The following PUM1 variants were observed in gnomAD, a reference collection of about 807,000 sequenced individuals.
The protein encoded by PUM1 is pumilio homolog 1.
PUM1 carries 13 observed loss-of-function variants against 131.8 expected under a neutral mutation model. The ratio of observed to expected loss-of-function variants is 0.10; its 90% confidence interval spans 0.06 to 0.16. PUM1 has a LOEUF of 0.16. Among genes scored for constraint, PUM1 ranks in the 10% least tolerant of loss-of-function variants. PUM1 has a pLI of 1.00. For synonymous variants in PUM1, 509 were observed against 556.5 expected (o/e 0.91, Z 1.20); for missense variants, 961 against 1,512.4 (o/e 0.64, Z 6.05).
intron 7 of PUM1, among the ~76,000 whole-genome samples, chr1:30,991,668 G>C (rs181179691): frequency 7.6e-4 from 116 of 152,290 alleles, no homozygotes; most frequent in African/African-American, 2.7e-3. Context: ...ACAAGATTGG[G>C]AAACTAACAG....
chr1:31,012,259 C>G (rs1329124287), intron 3 of PUM1, among the ~76,000 whole-genome samples: 2 of 151,408 alleles, frequency 1.3e-5, no homozygotes, highest in Non-Finnish European at 2.9e-5. Context: ...CATACATTAG[C>G]CTCTTGTTGT....
intron 14 of PUM1, among the ~76,000 whole-genome samples, chr1:30,962,252 TCA>T (rs1192740382): frequency 1.3e-5 from 2 of 152,090 alleles, no homozygotes; most frequent in African/African-American, 4.8e-5. Context: ...AAGAAATAAC[TCA>T]CACTAATAGT....
intron 14 of PUM1, among the ~76,000 whole-genome samples, chr1:30,957,773 C>T (rs1640231612): frequency 1.3e-5 from 2 of 152,232 alleles, no homozygotes; most frequent in Non-Finnish European, 2.9e-5. Flanking sequence ...TGCCTTCCCA[C>T]TTTTAAAGAA....
chr1:31,024,703 A>G (rs1643161017), intron 3 of PUM1, among the ~76,000 whole-genome samples: 1 of 152,244 alleles, frequency 6.6e-6, no homozygotes, highest in Non-Finnish European at 1.5e-5. Context: ...TAAAAAACCA[A>G]TTATGCGAAC....
chr1:30,992,691 T>C (rs1641835981), intron 6 of PUM1, 31 bp from the exon 7 acceptor site: 1 of 1,585,606 alleles, frequency 6.3e-7, no homozygotes, highest in Non-Finnish European at 8.6e-7. Context: ...GCATTAAACC[T>C]TATTTTCAGT....
intron 2 of PUM1, among the ~76,000 whole-genome samples, chr1:31,049,046 A>G (rs1557604786): frequency 6.6e-6 from 1 of 151,662 alleles, no homozygotes. Context: ...TCTCTACTAA[A>G]AATACAAAAA....
At chr1:31,044,826 T>C (rs1477575700) in intron 2 of PUM1, among the ~76,000 whole-genome samples, 1 of 152,132 alleles carries the variant, frequency 6.6e-6, no homozygotes, top group African/African-American at 2.4e-5. Context: ...TTGTTGTTGT[T>C]TGAGACAGAG....
rs775744633 is a variant in PUM1, at chr1:30,949,854, G to GA, written c.2856+272dup. Reference sequence around the variant, plus strand: ...TAGTATTTTACCTGCTTTATTCATGGAAAAAAAAACCACCTATAAAATTGA... The same window carrying GA: ...TAGTATTTTACCTGCTTTATTCATGGAAAAAAAAAACCACCTATAAAATTGA... On this transcript the variant is annotated intron_variant, in intron 17 of 21. Transcript: ENST00000426105. Among the ~76,000 whole-genome samples the GA allele has an allele frequency of 1.3e-3, 201 of 150,558 alleles. 1 individual carries two copies. Among genetic ancestry groups the GA allele is most frequent in the East Asian group, 7.6e-3 (39 of 5,138 alleles).
intron 7 of PUM1, among the ~76,000 whole-genome samples, chr1:30,983,194 G>A (rs1641419955): frequency 6.6e-6 from 1 of 152,224 alleles, no homozygotes; most frequent in Non-Finnish European, 1.5e-5. Flanking sequence ...CCTCCAACAG[G>A]AGGCAGTCCA....
intron 2 of PUM1, among the ~76,000 whole-genome samples, chr1:31,033,537 A>G (rs946952135): frequency 6.6e-6 from 1 of 151,490 alleles, no homozygotes; most frequent in African/African-American, 2.4e-5. Flanking sequence ...GCTAATTTTC[A>G]TATTTTTTGA....
chr1:30,975,517 A>ATTTTTTTTTT (rs751510345), intron 9 of PUM1, among the ~76,000 whole-genome samples: 1 of 84,164 alleles, frequency 1.2e-5, no homozygotes, highest in African/African-American at 4.5e-5. Flanking sequence ...TACCTGACTA[A>ATTTTTTTTTT]TTTTTTTTTT....
At chr1:30,951,656 AG>A (rs68070467) in intron 16 of PUM1, among the ~76,000 whole-genome samples, 16,287 of 152,230 alleles carry the variant, frequency 0.11, 1,018 homozygotes, top group African/African-American at 0.17. Context: ...ACCTCACTAG[AG>A]GGAAAAGACA....
intron 2 of PUM1, among the ~76,000 whole-genome samples, chr1:31,054,322 G>A (rs879284552): frequency 7.2e-5 from 11 of 151,756 alleles, no homozygotes; most frequent in Admixed American, 3.9e-4. Flanking sequence ...GTGAAACCCT[G>A]TCTCAATAAA....
intron 5 of PUM1, among the ~76,000 whole-genome samples, chr1:30,997,496 T>C (rs903526731): frequency 1.5e-5 from 1 of 66,000 alleles, no homozygotes. Flanking sequence ...GAAACTCGTC[T>C]TTTTTTTTTT....
chr1:30,964,635 T>C (rs756862189), intron 14 of PUM1, 39 bp downstream of exon 14: 8 of 1,526,554 alleles, frequency 5.2e-6, no homozygotes, highest in Admixed American at 5.0e-5. Context: ...GGCAAGAGAG[T>C]TCTAGAGTTC....
intron 2 of PUM1, among the ~76,000 whole-genome samples, chr1:31,031,422 A>C (rs540451804): frequency 1.3e-5 from 2 of 152,362 alleles, no homozygotes; most frequent in Non-Finnish European, 2.9e-5. Context: ...CCATCACAAC[A>C]ACCTCACAGT....
chr1:30,983,894 C>T (rs1641448993), intron 7 of PUM1, among the ~76,000 whole-genome samples: 2 of 151,996 alleles, frequency 1.3e-5, no homozygotes, highest in African/African-American at 2.4e-5. Context: ...TGAGCCACCA[C>T]ACCTGGGCTA....
chr1:31,057,483 G>A (rs1410521606), intron 2 of PUM1, among the ~76,000 whole-genome samples: 1 of 150,920 alleles, frequency 6.6e-6, no homozygotes, highest in Non-Finnish European at 1.5e-5. Flanking sequence ...CCAGCACTTT[G>A]GGAGGCTGAG....
chr1:30,957,302 G>GA (rs1478497000), intron 14 of PUM1, among the ~76,000 whole-genome samples: 4 of 152,046 alleles, frequency 2.6e-5, no homozygotes, highest in East Asian at 1.9e-4. Flanking sequence ...TCTTGTTTTT[G>GA]AAAAAAATGC....
Sources: allele counts gnomAD v4.1 joint callset (sites outside exome capture counted in the v4.1 genomes callset), GRCh38; gene constraint gnomAD v4.1.1; transcripts MANE v1.5; gene names NCBI Gene and HGNC (gene_info 2026-07-23, HGNC 2026-07-21).